BORCS5: variants seen among roughly 807,000 people sequenced by gnomAD.
BORCS5 encodes BLOC-1 related complex subunit 5.
In BORCS5, 17 loss-of-function variants were observed where a neutral mutation model predicts 22.1. The ratio of observed to expected loss-of-function variants is 0.77; its 90% CI spans 0.53 to 1.15. The LOEUF (loss-of-function observed/expected upper bound fraction) is 1.15, where lower values mean the gene tolerates loss of function less well. Among genes scored for constraint, BORCS5 ranks in the 50% most tolerant of loss-of-function variants. The pLI is 0.00. For missense variants in BORCS5, 247 were observed against 253.2 expected (o/e 0.98, Z 0.17); for synonymous variants, 117 against 99.8 (o/e 1.17, Z -1.03).
chr12:12,376,800 C>T (rs1863664839), intron 2 of BORCS5, among the ~76,000 whole-genome samples: 1 of 152,172 alleles, frequency 6.6e-6, no homozygotes. Flanking sequence ...CTGTGTTTAA[C>T]AACACTTTTA....
chr12:12,441,856 T>G (rs924531658), intron 3 of BORCS5, among the ~76,000 whole-genome samples: 1 of 152,176 alleles, frequency 6.6e-6, no homozygotes, highest in Admixed American at 6.5e-5. Flanking sequence ...TACTCGTGCC[T>G]GGGGAACATG....
intron 3 of BORCS5, among the ~76,000 whole-genome samples, chr12:12,451,443 T>C (rs569618866): frequency 2.4e-4 from 37 of 152,178 alleles, no homozygotes; most frequent in African/African-American, 8.4e-4. Context: ...TGTACATAAT[T>C]AAAGAAATAT....
chr12:12,455,737 G>A (rs1344697343), intron 3 of BORCS5, among the ~76,000 whole-genome samples: 1 of 151,412 alleles, frequency 6.6e-6, no homozygotes. Context: ...TGAGATTGTG[G>A]CACTGCACTG....
intron 2 of BORCS5, among the ~76,000 whole-genome samples, chr12:12,367,417 C>G (rs1863428149): frequency 6.6e-6 from 1 of 152,224 alleles, no homozygotes; most frequent in Non-Finnish European, 1.5e-5. Flanking sequence ...AAGGTAATCT[C>G]TAAACCCAGG....
In BORCS5 at chr12:12,447,268, G is replaced by A. The variant is rs181080434; in HGVS notation, c.360+11483G>A. 3.3e-5 allele frequency among the ~76,000 whole-genome samples: 5 copies of A among 152,304 alleles called. No homozygotes were observed. In the East Asian group the frequency reaches 9.6e-4, roughly 29 times the overall value. On this transcript the variant is annotated intron_variant, in intron 3 of 3. Coordinates refer to ENST00000314565, the MANE Select transcript of BORCS5 (RefSeq NM_058169.6). ...TTCTGCTGTGCCCCCTCCTGCTGGT[G>A]TCTGCTCCCCTTCTCTGCCTGAGGA... is the stretch of plus-strand genomic sequence containing the variant.
At chr12:12,387,546 A>G (rs1863909221) in intron 2 of BORCS5, among the ~76,000 whole-genome samples, 1 of 150,912 alleles carries the variant, frequency 6.6e-6, no homozygotes, top group South Asian at 2.1e-4. Context: ...ACCTAAATAT[A>G]CTCCATTTTG....
intron 2 of BORCS5, among the ~76,000 whole-genome samples, chr12:12,415,091 C>T (rs1007555034): frequency 1.4e-4 from 21 of 150,772 alleles, no homozygotes; most frequent in African/African-American, 4.1e-4. Context: ...AGAGGCTCCT[C>T]ATATCCCAGA....
intron 2 of BORCS5, among the ~76,000 whole-genome samples, chr12:12,428,757 A>G (rs1050769840): frequency 6.6e-6 from 1 of 152,152 alleles, no homozygotes; most frequent in Non-Finnish European, 1.5e-5. Flanking sequence ...GCAAAAGAAA[A>G]AAAATTATAT....
chr12:12,397,773 A>G (rs1041133630), intron 2 of BORCS5, among the ~76,000 whole-genome samples: 2 of 152,240 alleles, frequency 1.3e-5, no homozygotes, highest in Non-Finnish European at 2.9e-5. Flanking sequence ...TGCCTTGCTA[A>G]GAAGTGTTAA....
intron 3 of BORCS5, among the ~76,000 whole-genome samples, chr12:12,454,644 A>G (rs1433797693): frequency 2.0e-5 from 3 of 152,220 alleles, no homozygotes. Context: ...AATATGTAGC[A>G]GTTTTCTTTT....
intron 2 of BORCS5, among the ~76,000 whole-genome samples, chr12:12,394,692 G>T (rs1488752423): frequency 6.6e-6 from 1 of 151,946 alleles, no homozygotes; most frequent in African/African-American, 2.4e-5. Flanking sequence ...TTACAATCTA[G>T]TATAGAAAAC....
chr12:12,435,506 T>C, intron 2 of BORCS5, 122 bp from the exon 3 acceptor site: 1 of 801,868 alleles, frequency 1.2e-6, no homozygotes, highest in East Asian at 2.7e-5. Flanking sequence ...CATTAACATA[T>C]AACAAAAGAT....
At chr12:12,415,628 G>A (rs1321263155) in intron 2 of BORCS5, among the ~76,000 whole-genome samples, 2 of 138,582 alleles carry the variant, frequency 1.4e-5, no homozygotes, top group African/African-American at 2.7e-5. Flanking sequence ...AGGCTGTTAC[G>A]TGGATTGATT....
chr12:12,388,450 A>G lies in BORCS5; in HGVS notation c.202+27101A>G, dbSNP rs1460786968. ...AGGAACTGCTGGCCGAGGATAGTTAATATTCAAAAGCAAAAGAAATGTATC... is the reference window on the plus strand; with the variant it reads ...AGGAACTGCTGGCCGAGGATAGTTAGTATTCAAAAGCAAAAGAAATGTATC... On this transcript the variant is annotated intron_variant, in intron 2 of 3. Transcript: ENST00000314565. 4.0e-5 allele frequency among the ~76,000 whole-genome samples: 6 copies of G among 151,484 alleles called. 1 individual carries two copies. The East Asian group carries it at 5.8e-4, about 15-fold the overall frequency.
At chr12:12,375,225 C>T (rs1213039995) in intron 2 of BORCS5, among the ~76,000 whole-genome samples, 1 of 152,110 alleles carries the variant, frequency 6.6e-6, no homozygotes, top group Non-Finnish European at 1.5e-5. Flanking sequence ...GTTGGCCAAG[C>T]TGGTCTCAAA....
At chr12:12,419,964 G>C (rs2136103053) in intron 2 of BORCS5, among the ~76,000 whole-genome samples, 1 of 152,244 alleles carries the variant, frequency 6.6e-6, no homozygotes, top group South Asian at 2.1e-4. Flanking sequence ...CTGATGGATA[G>C]ATTGCAAAAA....
chr12:12,370,437 T>C (rs1290078420), intron 2 of BORCS5, among the ~76,000 whole-genome samples: 2 of 152,198 alleles, frequency 1.3e-5, no homozygotes, highest in Non-Finnish European at 2.9e-5. Flanking sequence ...CTCCATGAAA[T>C]CTCATTTTTT....
At chr12:12,392,795 C>G (rs765412752) in intron 2 of BORCS5, among the ~76,000 whole-genome samples, 4 of 152,138 alleles carry the variant, frequency 2.6e-5, no homozygotes, top group South Asian at 2.1e-4. Flanking sequence ...GTCCACTGAT[C>G]TCAGTTCTGA....
intron 2 of BORCS5, among the ~76,000 whole-genome samples, chr12:12,411,662 A>T (rs1941737197): frequency 6.6e-6 from 1 of 152,166 alleles, no homozygotes; most frequent in South Asian, 2.1e-4. Context: ...TTGGTGTCAT[A>T]CTTAAAACAT....
Sources: allele counts gnomAD v4.1 joint callset (sites outside exome capture counted in the v4.1 genomes callset), GRCh38; gene constraint gnomAD v4.1.1; transcripts MANE v1.5; gene names NCBI Gene and HGNC (gene_info 2026-07-23, HGNC 2026-07-21).